The following SPOUT1 variants were observed in gnomAD, a reference collection of about 807,000 sequenced individuals.
SPOUT1 encodes SPOUT domain containing methyltransferase 1, also known as 28S rRNA (uridine-N(3))-methyltransferase.
In SPOUT1, 40 loss-of-function variants were observed where a neutral mutation model predicts 54.8. The observed-to-expected ratio is 0.73, with a 90% CI of 0.57 to 0.95. SPOUT1 has a LOEUF of 0.95. SPOUT1 is among the 40% of genes least tolerant of loss of function. The pLI is 0.00. For synonymous variants in SPOUT1, 193 were observed against 200.3 expected (o/e 0.96, Z 0.31); for missense variants, 437 against 499.5 (o/e 0.87, Z 1.19).
chr9:128,824,535 C>T (rs1589593708), intron 9 of SPOUT1, among the ~76,000 whole-genome samples: 1 of 152,096 alleles, frequency 6.6e-6, no homozygotes, highest in Admixed American at 6.6e-5. Flanking sequence ...GCCTCCATTC[C>T]CAACCCTACA....
rs1830250698 is a variant in SPOUT1 at position 128,826,794 on chromosome 9, G to A, written c.369-165C>T. ...GTGAGCCATGACCATGCCACTGCATGCACTCCAGCCGGGGTGACAGCTGAG... is the reference window on the plus strand; with the variant it reads ...GTGAGCCATGACCATGCCACTGCATACACTCCAGCCGGGGTGACAGCTGAG... On this transcript the variant is annotated intron_variant, in intron 4 of 11. Transcript: ENST00000361256. The surrounding 1 kb of genome is among the most constrained non-coding windows in gnomAD (Gnocchi z 5.5). Among the ~76,000 whole-genome samples the A allele has an allele frequency of 6.6e-6, 1 of 152,186 alleles. No individual in the cohort carries two copies. Among genetic ancestry groups the A allele is most frequent in the South Asian group, 2.1e-4 (1 of 4,836 alleles).
intron 11 of SPOUT1, among the ~76,000 whole-genome samples, chr9:128,823,265 C>T (rs1189879449): frequency 6.6e-6 from 1 of 152,140 alleles, no homozygotes; most frequent in Non-Finnish European, 1.5e-5. Flanking sequence ...GAGTACCAGC[C>T]TTCCCAGCAG....
In SPOUT1 at chr9:128,829,161, G is replaced by A. The variant is rs752643311; in HGVS notation, c.37-6C>T. On this transcript the variant is annotated splice_polypyrimidine_tract_variant and splice_region_variant and intron_variant, in intron 1 of 11. Transcript: ENST00000361256. Reference sequence around the variant, plus strand: ...ATCCTTTGGCCGTGTTCACCCTGGAGAAGGAGTGGTAGGAGGATTATGAGT... The same window carrying A: ...ATCCTTTGGCCGTGTTCACCCTGGAAAAGGAGTGGTAGGAGGATTATGAGT... 2 of 1,613,196 alleles carry A rather than the reference G, an allele frequency of 1.2e-6. No homozygotes were observed. The highest frequency in any genetic ancestry group is 1.7e-6 in the Non-Finnish European group (2 of 1,179,142).
intron 9 of SPOUT1, 45 bp from the exon 10 acceptor site, chr9:128,824,219 C>T: frequency 9.6e-7 from 1 of 1,044,504 alleles, no homozygotes; most frequent in Non-Finnish European, 1.5e-6. Context: ...CCCCACAAGC[C>T]ATAGCTCCGG....
At position 128,828,782 on chromosome 9, in the gene SPOUT1, G is replaced by T. The variant is rs1830290986; in HGVS notation, c.161C>A (p.Ala54Glu). 1 of 1,613,958 alleles carries T rather than the reference G, an allele frequency of 6.2e-7. No homozygotes were observed. The highest frequency in any genetic ancestry group is 1.3e-5 in the African/African-American group (1 of 74,926). The change falls in exon 3 of 12, where the codon GCA becomes GAA. Residue 54 changes from alanine to glutamate, a missense_variant. Transcript: ENST00000361256. Reference protein sequence around the residue: ...LERQRAQEEQAKRLEEEEAAA... With the variant: ...LERQRAQEEQEKRLEEEEAAA... ...TGCCTCCTCCTCTTCCAGGCGCTTT[G>T]CCTGTTCCTCCTGTGCCCGCTGCCG... is the stretch of plus-strand genomic sequence containing the variant.
intron 2 of SPOUT1, 60 bp from the exon 3 acceptor site, chr9:128,828,920 G>A: frequency 6.2e-7 from 1 of 1,607,492 alleles, no homozygotes; most frequent in Non-Finnish European, 8.5e-7. Flanking sequence ...GGGTCAGCCT[G>A]GACTCTGGAG....
chr9:128,826,532 C>G lies in SPOUT1; in HGVS notation c.458+8G>C. 3 of 1,611,826 alleles carry G rather than the reference C, an allele frequency of 1.9e-6. No homozygotes were observed. The highest frequency in any genetic ancestry group is 3.3e-4 in the Middle Eastern group (2 of 6,054). On this transcript the variant is annotated splice_region_variant and intron_variant, in intron 5 of 11. Transcript: ENST00000361256. The surrounding 1 kb of genome is among the most constrained non-coding windows in gnomAD (Gnocchi z 5.5). ...CCTCCCTCATGCTTAGGGGAGTGAC[C>G]CCCTTACTGTGGACACTCCAGGTAC...
At position 128,829,749 on chromosome 9, in the gene SPOUT1, C is replaced by A. The variant is rs780120950; in HGVS notation, c.32G>T (p.Gly11Val). MAERGRKRPC[G>V]PGEHGQRIEW... ...GGTCCCGCCGCCCGCACTTACCGGG[C>A]CGCACGGCCGCTTCCTGCCGCGCTC... The change falls in exon 1 of 12, where the codon GGC (glycine) becomes GTC (valine). Residue 11 changes from glycine to valine, a missense_variant. Physicochemically the swap from Gly to Val is moderately radical, Grantham distance 109. Transcript: ENST00000361256. 6.2e-7 allele frequency: 1 copy of A among 1,601,242 alleles called. No homozygotes were observed. Among genetic ancestry groups the A allele is most frequent in the Non-Finnish European group, 8.5e-7 (1 of 1,174,768 alleles).
intron 10 of SPOUT1, 25 bp downstream of exon 10, chr9:128,824,047 G>A (rs1830185319): frequency 6.2e-7 from 1 of 1,600,690 alleles, no homozygotes; most frequent in Non-Finnish European, 8.6e-7. Context: ...CTCCTGCCCT[G>A]GCCGCAGCCC....
At position 128,826,121 on chromosome 9, in the gene SPOUT1, G is replaced by A. The variant is rs1157380830; in HGVS notation, c.540C>T (p.His180=). The A allele has an allele frequency of 6.2e-7, 1 of 1,612,158 alleles. No individual in the cohort carries two copies. Among genetic ancestry groups the A allele is most frequent in the East Asian group, 2.2e-5 (1 of 44,886 alleles). ...ACTCGGATTCCTCATCCTGACGCATGTGGTGGGGGCTGTCCAGGGGGTTCA... is the reference window on the plus strand; with the variant it reads ...ACTCGGATTCCTCATCCTGACGCATATGGTGGGGGCTGTCCAGGGGGTTCA... ...GLLNPLDSPH[H]MRQDEESEFR... is the part of the protein sequence containing the mutation. Residue 180 remains histidine, a synonymous_variant, in exon 7 of 12, where the codon CAC becomes CAT. Transcript: ENST00000361256. This position sits in a 1 kb window ranked among gnomAD's most constrained non-coding sequence, Gnocchi z 5.5.
chr9:128,829,625 T>TTGG, intron 1 of SPOUT1, 120 bp downstream of exon 1: 1 of 776,720 alleles, frequency 1.3e-6, no homozygotes, highest in East Asian at 2.8e-5. Flanking sequence ...GCTTCCGGCC[T>TTGG]GGGATCAGCG....
At chr9:128,828,945 C>G (rs1830295248) in intron 2 of SPOUT1, 85 bp from the exon 3 acceptor site, 1 of 1,588,570 alleles carries the variant, frequency 6.3e-7, no homozygotes, top group Admixed American at 1.7e-5. Context: ...GCTGGGTGAG[C>G]AGCCAGAGGG....
rs751753175 is a variant in SPOUT1, at chr9:128,824,184, G to A, written c.812-10C>T. On this transcript the variant is annotated splice_polypyrimidine_tract_variant and intron_variant, in intron 9 of 11. Coordinates refer to ENST00000361256, the MANE Select transcript of SPOUT1 (RefSeq NM_016390.4). ...TCAGCAAACACAGCACCTGGGGGTG[G>A]GGCCAGCTCAGTGCAGGTCCTGCTC... The A allele has an allele frequency of 6.3e-7, 1 of 1,580,100 alleles. No individual in the cohort carries two copies. Among genetic ancestry groups the A allele is most frequent in the Non-Finnish European group, 8.7e-7 (1 of 1,150,208 alleles).
chr9:128,828,495 CAA>C (rs11475667), intron 3 of SPOUT1, among the ~76,000 whole-genome samples: 64 of 141,796 alleles, frequency 4.5e-4, no homozygotes, highest in African/African-American at 8.6e-4. Flanking sequence ...GACTCCATCT[CAA>C]AAAAAAAAAA....
In SPOUT1 at chr9:128,826,869, C is replaced by T. The variant is rs1237332459; in HGVS notation, c.368+163G>A. On this transcript the variant is annotated intron_variant, in intron 4 of 11. Transcript: ENST00000361256. The surrounding 1 kb of genome is among the most constrained non-coding windows in gnomAD (Gnocchi z 5.5). ...CCAATCCCACCTCTGTAGTCATCACCCCCACCTGGCAACTCTACCCACTAA... is the reference window on the plus strand; with the variant it reads ...CCAATCCCACCTCTGTAGTCATCACTCCCACCTGGCAACTCTACCCACTAA... 6.6e-6 allele frequency among the ~76,000 whole-genome samples: 1 copy of T among 152,148 alleles called. No individual in the cohort carries two copies. The highest frequency in any genetic ancestry group is 2.1e-4 in the South Asian group (1 of 4,830).
Position 128,822,238 on chromosome 9 carries a change from T to G in SPOUT1, c.*527A>C. ...GCGTGGTCCTGCAGGTTGACAGAAG[T>G]TAGAGGACAGATCAGGGAAGGCTGC... On this transcript the variant is annotated 3_prime_UTR_variant, in exon 12 of 12. Transcript: ENST00000361256. 2 of 1,491,714 alleles carry G rather than the reference T, an allele frequency of 1.3e-6. No individual in the cohort carries two copies. The highest frequency in any genetic ancestry group is 1.8e-6 in the Non-Finnish European group (2 of 1,108,754). The allele number at this position is 1,491,714 out of a possible 1,614,324, so 92.4% of individuals were successfully genotyped here.
intron 9 of SPOUT1, 65 bp downstream of exon 9, chr9:128,824,706 G>T: frequency 8.0e-7 from 1 of 1,253,412 alleles, no homozygotes; most frequent in Non-Finnish European, 1.2e-6. Flanking sequence ...TTTGGGTCAG[G>T]CAAGGCTCCC....
In SPOUT1 at chr9:128,828,865, A is replaced by G; in HGVS notation, c.83-5T>C. The G allele has an allele frequency of 6.2e-7, 1 of 1,613,784 alleles. No homozygotes were observed. The highest frequency in any genetic ancestry group is 8.5e-7 in the Non-Finnish European group (1 of 1,179,938). On this transcript the variant is annotated splice_polypyrimidine_tract_variant and splice_region_variant and intron_variant, in intron 2 of 11. Transcript: ENST00000361256. The stretch of plus-strand genomic sequence containing the variant: ...ATTTTTTTTTCTCCTCTTTCTCTGG[A>G]TAAAAGAACATCCTAATTGGCCAAG...
rs546864718 is a variant in SPOUT1 at position 128,827,270 on chromosome 9, C to T, written c.209-79G>A. 54 of 1,359,496 alleles carry T rather than the reference C, an allele frequency of 4.0e-5. 1 individual carries two copies. The highest frequency in any genetic ancestry group is 2.6e-4 in the South Asian group (19 of 73,698). 84.2% of individuals were successfully genotyped at this position (1,359,496 alleles called of 1,614,324 possible). A position where few individuals can be genotyped will look rare whatever the true frequency, so the allele number is the denominator to read the frequency against. Reference sequence around the variant, plus strand: ...TTTCTCTCCCTTCCTCTGTCCCTAGCGCCCATGGTTTGAGAATTTCCCAAG... The same window carrying T: ...TTTCTCTCCCTTCCTCTGTCCCTAGTGCCCATGGTTTGAGAATTTCCCAAG... On this transcript the variant is annotated intron_variant, in intron 3 of 11. Coordinates refer to ENST00000361256, the MANE Select transcript of SPOUT1 (RefSeq NM_016390.4).
Sources: allele counts gnomAD v4.1 joint callset (sites outside exome capture counted in the v4.1 genomes callset), GRCh38; gene constraint gnomAD v4.1.1; non-coding constraint Gnocchi (gnomAD v3.1); transcripts MANE v1.5; gene names NCBI Gene and HGNC (gene_info 2026-07-23, HGNC 2026-07-21).